Variants in AP3B1 observed in about 807,000 individuals in gnomAD.
AP3B1 encodes the protein adaptor related protein complex 3 subunit beta 1.
AP3B1 carries 61 observed loss-of-function variants against 132.5 expected under a neutral mutation model. That is an observed-to-expected ratio of 0.46 (90% CI 0.37 to 0.57). The LOEUF (loss-of-function observed/expected upper bound fraction) is 0.57, where lower values mean the gene tolerates loss of function less well. AP3B1 is among the 20% of genes least tolerant of loss of function. The pLI is 0.00. For synonymous variants in AP3B1, 388 were observed against 438.3 expected (o/e 0.89, Z 1.43); for missense variants, 1,120 against 1,289.4 (o/e 0.87, Z 2.01).
At chr5:78,253,608 C>G (rs1415728789) in intron 2 of AP3B1, among the ~76,000 whole-genome samples, 2 of 152,166 alleles carry the variant, frequency 1.3e-5, no homozygotes, top group Non-Finnish European at 2.9e-5. Context: ...CTTTCAGATA[C>G]AGAATTCAAA....
chr5:78,027,873 C>A (rs1747399514), intron 24 of AP3B1, among the ~76,000 whole-genome samples: 1 of 152,110 alleles, frequency 6.6e-6, no homozygotes, highest in East Asian at 1.9e-4. Flanking sequence ...GGCCTGTAAT[C>A]CCAGCACTTT....
At chr5:78,149,700 A>G (rs1753563275) in intron 14 of AP3B1, among the ~76,000 whole-genome samples, 1 of 152,196 alleles carries the variant, frequency 6.6e-6, no homozygotes, top group Non-Finnish European at 1.5e-5. Context: ...AAGTCAAGTA[A>G]CTTGCTTAAG....
intron 9 of AP3B1, 152 bp from the exon 10 acceptor site, chr5:78,175,990 GTGTCTTT>G: frequency 1.5e-6 from 1 of 676,832 alleles, no homozygotes; most frequent in East Asian, 2.6e-5. Flanking sequence ...TCTTAGATGT[GTGTCTTT>G]TTAACGCACT....
chr5:78,176,503 C>T (rs1744153396), intron 9 of AP3B1, among the ~76,000 whole-genome samples: 1 of 152,144 alleles, frequency 6.6e-6, no homozygotes, highest in African/African-American at 2.4e-5. Context: ...AAAATAAATA[C>T]ATAGTTTTTT....
At chr5:78,156,140 A>C (rs1241774782) in intron 14 of AP3B1, 118 bp downstream of exon 14, 2 of 735,692 alleles carry the variant, frequency 2.7e-6, no homozygotes, top group Non-Finnish European at 4.7e-6. Flanking sequence ...AGAATCTCAG[A>C]ATTGGAATCC....
chr5:78,217,959 T>C (rs544383448), intron 6 of AP3B1, among the ~76,000 whole-genome samples: 1 of 152,158 alleles, frequency 6.6e-6, no homozygotes, highest in Admixed American at 6.6e-5. Context: ...AGCTACCATA[T>C]AATATTAAAT....
chr5:78,075,090 T>C (rs1025001780), intron 22 of AP3B1, among the ~76,000 whole-genome samples: 4 of 152,068 alleles, frequency 2.6e-5, no homozygotes, highest in African/African-American at 9.7e-5. Flanking sequence ...GCAGACCAAC[T>C]TGAAAAAAGT....
At chr5:78,215,958 T>C in intron 7 of AP3B1, 97 bp downstream of exon 7, 1 of 1,131,146 alleles carries the variant, frequency 8.8e-7, no homozygotes, top group Non-Finnish European at 1.3e-6. Context: ...AATATGCAGA[T>C]TTCTCTAGTT....
intron 22 of AP3B1, among the ~76,000 whole-genome samples, chr5:78,053,602 C>T (rs1363336377): frequency 1.3e-5 from 2 of 150,428 alleles, no homozygotes; most frequent in African/African-American, 2.4e-5. Context: ...ATCACTTGAA[C>T]CTGGGAGGCG....
intron 20 of AP3B1, among the ~76,000 whole-genome samples, chr5:78,105,702 T>G (rs1751304453): frequency 6.6e-6 from 1 of 152,184 alleles, no homozygotes; most frequent in African/African-American, 2.4e-5. Flanking sequence ...ATTAAATATA[T>G]CTCAGAAAAT....
intron 13 of AP3B1, among the ~76,000 whole-genome samples, chr5:78,161,504 A>T (rs1396296755): frequency 6.6e-6 from 1 of 151,994 alleles, no homozygotes; most frequent in Non-Finnish European, 1.5e-5. Context: ...GCACAGGAAA[A>T]TTTCTTTAAA....
chr5:78,142,021 A>G (rs777245305), intron 14 of AP3B1, among the ~76,000 whole-genome samples: 3 of 152,228 alleles, frequency 2.0e-5, no homozygotes, highest in Non-Finnish European at 4.4e-5. Flanking sequence ...CTCTTTATGT[A>G]TTAGCATCTA....
At chr5:78,223,838 AT>A (rs1320431183) in intron 6 of AP3B1, among the ~76,000 whole-genome samples, 1 of 152,212 alleles carries the variant, frequency 6.6e-6, no homozygotes, top group Non-Finnish European at 1.5e-5. Context: ...GTTCTATCTG[AT>A]TCAAACGCTA....
chr5:78,294,693 G>C lies in AP3B1; in HGVS notation c.-114C>G. 6.5e-7 allele frequency: 1 copy of C among 1,544,396 alleles called. No individual in the cohort carries two copies. Among genetic ancestry groups the C allele is most frequent in the Non-Finnish European group, 8.8e-7 (1 of 1,131,104 alleles). ...CTCGTACGGAGGAGCGCGCGCAGGC[G>C]CTTCCGGACTCGTCACGGCTCCCTG... is the stretch of plus-strand genomic sequence containing the variant. On this transcript the variant is annotated 5_prime_UTR_variant, in exon 1 of 27. Transcript: ENST00000255194.
chr5:78,051,962 ACC>A (rs1748601454), intron 22 of AP3B1, among the ~76,000 whole-genome samples: 6 of 152,248 alleles, frequency 3.9e-5, no homozygotes, highest in African/African-American at 1.4e-4. Flanking sequence ...TCTTGATTTT[ACC>A]TTCAATCCAT....
chr5:78,216,086 G>A lies in AP3B1; in HGVS notation c.755C>T (p.Ala252Val). The A allele has an allele frequency of 6.2e-7, 1 of 1,613,978 alleles. No homozygotes were observed. The highest frequency in any genetic ancestry group is 8.5e-7 in the Non-Finnish European group (1 of 1,179,906). Reference protein sequence around the residue: ...VVIIHMLTRYARTQFVSPWKE... With the variant: ...VVIIHMLTRYVRTQFVSPWKE... ...CCAAGGGCTGACAAACTGTGTCCGA[G>A]CATATCGAGTTAGCATGTGGATTAT... Residue 252 changes from alanine to valine, a missense_variant, in exon 7 of 27, where the codon GCT (alanine) becomes GTT (valine). Physicochemically the swap from Ala to Val is moderately conservative, Grantham distance 64. Around this residue, in one of 3 missense-constraint regions of AP3B1, gnomAD observed 906 missense variants for 997.1 expected, o/e 0.91. Coordinates refer to ENST00000255194, the MANE Select transcript of AP3B1 (RefSeq NM_003664.5).
chr5:78,110,695 T>TGC (rs1561413097), intron 19 of AP3B1, among the ~76,000 whole-genome samples: 1 of 151,520 alleles, frequency 6.6e-6, no homozygotes, highest in Non-Finnish European at 1.5e-5. Flanking sequence ...TGTGTGTGTG[T>TGC]GTGTGTGTGT....
At chr5:78,289,303 T>C (rs556038952) in intron 1 of AP3B1, among the ~76,000 whole-genome samples, 19 of 152,228 alleles carry the variant, frequency 1.2e-4, no homozygotes, top group African/African-American at 4.6e-4. Flanking sequence ...AGAATGAATG[T>C]AATAGAATTT....
chr5:78,265,357 C>T (rs997336192), intron 2 of AP3B1, among the ~76,000 whole-genome samples: 2 of 152,066 alleles, frequency 1.3e-5, no homozygotes, highest in African/African-American at 2.4e-5. Context: ...GTGGGAGGAT[C>T]GCTTGGGCTC....
Sources: allele counts gnomAD v4.1 joint callset (sites outside exome capture counted in the v4.1 genomes callset), GRCh38; gene constraint gnomAD v4.1.1; regional missense constraint gnomAD v4.1.1; transcripts MANE v1.5; gene names NCBI Gene and HGNC (gene_info 2026-07-23, HGNC 2026-07-21).